The following CSMD1 variants were observed in gnomAD, a reference collection of about 807,000 sequenced individuals.
CSMD1 encodes the protein CUB and sushi domain-containing protein 1.
In CSMD1, 213 loss-of-function variants were observed where a neutral mutation model predicts 417.5. The observed-to-expected ratio is 0.51, with a 90% CI of 0.46 to 0.57. The LOEUF is 0.57. CSMD1 is among the 20% of genes least tolerant of loss of function. The pLI, the probability that CSMD1 is intolerant of heterozygous loss-of-function variation, is 0.00. For missense variants in CSMD1, 6,923 were observed against 4,529.7 expected (o/e 1.53, Z -15.17); for synonymous variants, 2,862 against 1,736.8 (o/e 1.65, Z -16.11).
chr8:4,949,601 A>G (rs1424843594), intron 1 of CSMD1, among the ~76,000 whole-genome samples: 1 of 152,188 alleles, frequency 6.6e-6, no homozygotes, highest in Non-Finnish European at 1.5e-5. Context: ...TGAAATGCCC[A>G]GTCAATTGCC....
chr8:3,768,878 T>C (rs1798427352), intron 5 of CSMD1, among the ~76,000 whole-genome samples: 1 of 152,226 alleles, frequency 6.6e-6, no homozygotes, highest in Non-Finnish European at 1.5e-5. Context: ...ATGTCCATCC[T>C]AGAGCACCAC....
chr8:4,640,986 T>C (rs989604971), intron 1 of CSMD1, among the ~76,000 whole-genome samples: 16 of 151,726 alleles, frequency 1.1e-4, no homozygotes, highest in African/African-American at 3.9e-4. Flanking sequence ...TATATATATG[T>C]ATGTGTATAT....
chr8:2,940,282 T>G (rs1173592435), intron 69 of CSMD1, among the ~76,000 whole-genome samples: 2 of 152,134 alleles, frequency 1.3e-5, no homozygotes, highest in Non-Finnish European at 2.9e-5. Flanking sequence ...CTCGCTCCTA[T>G]GGCACAGAAG....
At chr8:4,787,824 T>A (rs1797487710) in intron 1 of CSMD1, 1 of 1,574,260 alleles carries the variant, frequency 6.4e-7, no homozygotes, top group Non-Finnish European at 8.7e-7. Context: ...CTACACAGGC[T>A]ATATTTGAAA....
At chr8:3,497,289 A>T (rs1499682) in intron 10 of CSMD1, among the ~76,000 whole-genome samples, 114,081 of 152,132 alleles carry the variant, frequency 0.75, 42,960 homozygotes, top group Middle Eastern at 0.84. Context: ...TATCTCTCCC[A>T]TCAATAATGT....
At chr8:4,105,059 C>T (rs566768726) in intron 3 of CSMD1, among the ~76,000 whole-genome samples, 2 of 151,934 alleles carry the variant, frequency 1.3e-5, no homozygotes, top group African/African-American at 2.4e-5. Flanking sequence ...CAACTAAAGG[C>T]AGCAATGAAA....
At chr8:4,317,355 G>A (rs547052871) in intron 3 of CSMD1, among the ~76,000 whole-genome samples, 1 of 152,324 alleles carries the variant, frequency 6.6e-6, no homozygotes, top group East Asian at 1.9e-4. Flanking sequence ...TCCCACGTCT[G>A]TGTTATAAGC....
intron 3 of CSMD1, among the ~76,000 whole-genome samples, chr8:4,277,862 C>T (rs1267758870): frequency 6.6e-6 from 1 of 152,132 alleles, no homozygotes; most frequent in Non-Finnish European, 1.5e-5. Context: ...ATTCTCCTGC[C>T]TCAGCCTCCC....
intron 2 of CSMD1, among the ~76,000 whole-genome samples, chr8:4,541,892 C>T (rs529289305): frequency 6.6e-6 from 1 of 152,178 alleles, no homozygotes; most frequent in South Asian, 2.1e-4. Context: ...CTGGAGGCGC[C>T]GCACCTGTAG....
chr8:3,447,511 T>C (rs1303169174), intron 12 of CSMD1, among the ~76,000 whole-genome samples: 1 of 152,116 alleles, frequency 6.6e-6, no homozygotes, highest in Non-Finnish European at 1.5e-5. Flanking sequence ...GCAGGCAGTG[T>C]ACTTTGTGCG....
At chr8:4,433,252 G>A (rs933487869) in intron 2 of CSMD1, among the ~76,000 whole-genome samples, 1 of 152,068 alleles carries the variant, frequency 6.6e-6, no homozygotes, top group African/African-American at 2.4e-5. Context: ...TACTACATTT[G>A]AATGACCCCG....
intron 42 of CSMD1, among the ~76,000 whole-genome samples, chr8:3,111,639 C>A (rs780245039): frequency 6.6e-6 from 1 of 152,138 alleles, no homozygotes; most frequent in Non-Finnish European, 1.5e-5. Flanking sequence ...TGAGACCAGC[C>A]TGACCAACAT....
intron 3 of CSMD1, among the ~76,000 whole-genome samples, chr8:4,098,568 C>A (rs2130870266): frequency 6.6e-6 from 1 of 152,060 alleles, no homozygotes; most frequent in Non-Finnish European, 1.5e-5. Flanking sequence ...GTGGATTCGG[C>A]CTGAAAGATT....
chr8:3,489,747 C>T (rs112692258), intron 11 of CSMD1, among the ~76,000 whole-genome samples: 2 of 151,952 alleles, frequency 1.3e-5, no homozygotes, highest in Non-Finnish European at 2.9e-5. Flanking sequence ...TTTTTAAAAC[C>T]GTATTTAGGG....
Position 3,396,204 on chromosome 8 carries a change from G to C in CSMD1, c.2583C>G (p.Ile861Met), listed in dbSNP as rs759302628. The change falls in exon 17 of 70, where the codon ATC (isoleucine) becomes ATG (methionine). Residue 861 changes from isoleucine to methionine, a missense_variant. By Grantham distance (10) the Ile-to-Met change is conservative. Coordinates refer to ENST00000635120, the MANE Select transcript of CSMD1 (RefSeq NM_033225.6). Reference sequence around the variant, plus strand: ...GAAGGTGCAACTCACTCTCATAGTGGATGAGGAAGCCGATGCTGGAGCGGC... The same window carrying C: ...GAAGGTGCAACTCACTCTCATAGTGCATGAGGAAGCCGATGCTGGAGCGGC... ...DNSRSSIGFLIHYESVTLESD... is the reference protein window; with the variant it reads ...DNSRSSIGFLMHYESVTLESD... The C allele has an allele frequency of 1.9e-6, 3 of 1,560,748 alleles. No individual in the cohort carries two copies. The highest frequency in any genetic ancestry group is 1.7e-6 in the Non-Finnish European group (2 of 1,152,480).
In CSMD1 at chr8:4,589,735, C is replaced by A. The variant is rs545329703; in HGVS notation, c.302+47607G>T. 2.0e-5 allele frequency among the ~76,000 whole-genome samples: 3 copies of A among 152,272 alleles called. No individual in the cohort carries two copies. In the South Asian group the frequency reaches 6.2e-4, roughly 32 times the overall value. On this transcript the variant is annotated intron_variant, in intron 2 of 69. Transcript: ENST00000635120. ...CACATGATTTCTAAATTGCCATTAT[C>A]ACGGCCAAAAAAATGATAAAAATAA...
chr8:3,785,060 C>G (rs6986621), intron 5 of CSMD1, among the ~76,000 whole-genome samples: 3 of 152,064 alleles, frequency 2.0e-5, no homozygotes, highest in Non-Finnish European at 4.4e-5. Flanking sequence ...CCCATCTCAC[C>G]CCTCAATAGC....
At chr8:4,306,612 C>G (rs549778680) in intron 3 of CSMD1, among the ~76,000 whole-genome samples, 53 of 152,168 alleles carry the variant, frequency 3.5e-4, no homozygotes, top group African/African-American at 1.2e-3. Flanking sequence ...CCTTCTTGGC[C>G]TCTTCAATCT....
intron 1 of CSMD1, among the ~76,000 whole-genome samples, chr8:4,990,903 G>C (rs529357996): frequency 1.3e-5 from 2 of 152,274 alleles, no homozygotes; most frequent in East Asian, 1.9e-4. Context: ...GGTTTCTCTG[G>C]AAACTCAGCA....
Sources: allele counts gnomAD v4.1 joint callset (sites outside exome capture counted in the v4.1 genomes callset), GRCh38; gene constraint gnomAD v4.1.1; transcripts MANE v1.5; gene names NCBI Gene and HGNC (gene_info 2026-07-23, HGNC 2026-07-21).